Variants in SPC24 observed in about 807,000 individuals in gnomAD.
SPC24 encodes the protein kinetochore protein Spc24.
Under a neutral mutation model 27.6 loss-of-function variants are expected in SPC24, and 31 were observed. The observed-to-expected ratio is 1.12, with a 90% CI of 0.84 to 1.52. The LOEUF (loss-of-function observed/expected upper bound fraction) is 1.52. Among genes scored for constraint, SPC24 ranks in the 40% most tolerant of loss-of-function variants. The probability of loss-of-function intolerance (pLI) is 0.00; values close to 1 mark genes in which losing one functional copy is unlikely to be tolerated. For synonymous variants in SPC24, 105 were observed against 105.8 expected (o/e 0.99, Z 0.05); for missense variants, 284 against 252.5 (o/e 1.12, Z -0.84).
intron 1 of SPC24, among the ~76,000 whole-genome samples, chr19:11,152,817 A>G (rs11878885): frequency 0.066 from 9,996 of 152,038 alleles, 348 homozygotes; most frequent in Non-Finnish European, 0.071. Flanking sequence ...GGGACATCAC[A>G]TTCAGGATAA....
intron 1 of SPC24, among the ~76,000 whole-genome samples, chr19:11,149,625 A>G (rs2077854915): frequency 6.6e-6 from 1 of 152,040 alleles, no homozygotes. Flanking sequence ...TCACACCTGT[A>G]ATCCCAGAAC....
Position 11,146,479 on chromosome 19 carries a change from A to AAAAAAAAAAAAAAAAAAAG in SPC24, c.*703_*704insCTTTTTTTTTTTTTTTTTT, listed in dbSNP as rs1283117437. ...AAGAAATCCAGTAAAAAAAAAAAAA[A>AAAAAAAAAAAAAAAAAAAG]AAAAGGCCAGGCGCGGTGACTCACA... On this transcript the variant is annotated 3_prime_UTR_variant, in exon 5 of 5. Transcript: ENST00000592540. The AAAAAAAAAAAAAAAAAAAG allele has an allele frequency of 6.9e-6, 1 of 144,072 alleles. No homozygotes were observed. Among genetic ancestry groups the AAAAAAAAAAAAAAAAAAAG allele is most frequent in the Non-Finnish European group, 1.5e-5 (1 of 65,640 alleles). 8.9% of individuals were successfully genotyped at this position (144,072 alleles called of 1,614,324 possible). A position where few individuals can be genotyped will look rare whatever the true frequency, so the allele number is the denominator to read the frequency against.
At position 11,147,918 on chromosome 19, in the gene SPC24, AAAAAAAAAAAAAG is replaced by A. The variant is rs766346187; in HGVS notation, c.411-37_411-25del. 2,923 of 816,408 alleles carry A rather than the reference AAAAAAAAAAAAAG, an allele frequency of 3.6e-3. 3 individuals are homozygous for A. The highest frequency in any genetic ancestry group is 4.3e-3 in the Non-Finnish European group (2,515 of 586,372). The allele number at this position is 816,408 out of a possible 1,614,324, so 50.6% of individuals were successfully genotyped here. A position where few individuals can be genotyped will look rare whatever the true frequency, so the allele number is the denominator to read the frequency against. ...ACCTGTACAGGAAGACAAAAAAAAA[AAAAAAAAAAAAAG>A]AAAGTTACCCAGCACCAACTTCAAC... On this transcript the variant is annotated intron_variant, in intron 3 of 4. Transcript: ENST00000592540.
At position 11,147,031 on chromosome 19, in the gene SPC24, G is replaced by A. The variant is rs2077830782; in HGVS notation, c.*152C>T. ...GGAGGCAGAGGTTGCTGTGAGCTGA[G>A]ATTGTGCCATTGCACTCCAGACTGG... On this transcript the variant is annotated 3_prime_UTR_variant, in exon 5 of 5. Transcript: ENST00000592540. The A allele has an allele frequency of 2.1e-6, 1 of 476,262 alleles. No individual in the cohort carries two copies. Among genetic ancestry groups the A allele is most frequent in the Admixed American group, 3.8e-5 (1 of 26,206 alleles). 29.5% of individuals were successfully genotyped at this position (476,262 alleles called of 1,614,324 possible).
At chr19:11,148,303 G>C (rs1378685795) in intron 2 of SPC24, among the ~76,000 whole-genome samples, 186 bp from the exon 3 acceptor site, 1 of 152,052 alleles carries the variant, frequency 6.6e-6, no homozygotes, top group African/African-American at 2.4e-5. Flanking sequence ...TGCCTCCCAG[G>C]CTGAAGTGAT....
intron 1 of SPC24, among the ~76,000 whole-genome samples, chr19:11,152,181 A>C (rs1298365718): frequency 6.6e-6 from 1 of 151,786 alleles, no homozygotes; most frequent in Non-Finnish European, 1.5e-5. Flanking sequence ...TCAGCCTCCC[A>C]AAGTGTTGGG....
At chr19:11,151,883 C>T (rs750351479) in intron 1 of SPC24, among the ~76,000 whole-genome samples, 4 of 150,008 alleles carry the variant, frequency 2.7e-5, no homozygotes, top group Non-Finnish European at 4.4e-5. Context: ...GCTGGGATTA[C>T]AGGTGTGAGC....
chr19:11,148,020 A>T lies in SPC24; in HGVS notation c.403T>A (p.Ser135Thr). The change falls in exon 3 of 5, where the codon TCG (serine) becomes ACG (threonine). Residue 135 changes from serine to threonine, a missense_variant. Physicochemically the swap from Ser to Thr is moderately conservative, Grantham distance 58. Transcript: ENST00000592540. ...CGTTTTGGCAGAACCTACACGGCCG[A>T]GGGGATTGTGACTGTCGTGTCCTCG... ...VDEDTTVTIP[S>T]AVYVAQLYHQ... 1.2e-6 allele frequency: 2 copies of T among 1,613,236 alleles called. No homozygotes were observed. The highest frequency in any genetic ancestry group is 1.7e-6 in the Non-Finnish European group (2 of 1,179,698).
chr19:11,154,077 GAA>G (rs56097060), intron 1 of SPC24, among the ~76,000 whole-genome samples: 2 of 150,760 alleles, frequency 1.3e-5, no homozygotes, highest in Non-Finnish European at 1.5e-5. Context: ...CCGTCTCAAG[GAA>G]AAAAAAAATA....
chr19:11,154,638 G>T (rs2077897425), intron 1 of SPC24, among the ~76,000 whole-genome samples: 2 of 152,124 alleles, frequency 1.3e-5, no homozygotes, highest in Admixed American at 1.3e-4. Flanking sequence ...ACACAAAAGG[G>T]TAGATATTGT....
intron 1 of SPC24, 121 bp downstream of exon 1, chr19:11,155,496 G>A (rs1600795117): frequency 2.5e-6 from 3 of 1,194,698 alleles, no homozygotes; most frequent in African/African-American, 3.2e-5. Context: ...CCGTCCCAGG[G>A]GGCATAGGGC....
intron 1 of SPC24, among the ~76,000 whole-genome samples, chr19:11,151,768 CCTGG>C (rs2077874009): frequency 1.3e-5 from 2 of 151,814 alleles, no homozygotes; most frequent in Admixed American, 1.3e-4. Flanking sequence ...CACCACCACG[CCTGG>C]CTAATTTTTA....
At position 11,147,910 on chromosome 19, in the gene SPC24, A is replaced by AAG; in HGVS notation, c.411-17_411-16insCT. On this transcript the variant is annotated splice_polypyrimidine_tract_variant and intron_variant, in intron 3 of 4. Coordinates refer to ENST00000592540, the MANE Select transcript of SPC24 (RefSeq NM_182513.4). ...AGCCACGTACCTGTACAGGAAGACA[A>AAG]AAAAAAAAAAAAAAAAAAAAGAAAG... 1.5e-6 allele frequency: 1 copy of AAG among 662,050 alleles called. No homozygotes were observed. The highest frequency in any genetic ancestry group is 2.8e-4 in the East Asian group (1 of 3,560). The allele number at this position is 662,050 out of a possible 1,614,324, so 41.0% of individuals were successfully genotyped here.
chr19:11,152,973 G>GT (rs2077883560), intron 1 of SPC24, among the ~76,000 whole-genome samples: 1 of 151,810 alleles, frequency 6.6e-6, no homozygotes, highest in Admixed American at 6.6e-5. Flanking sequence ...GCCACCCCGT[G>GT]GACTGGCTCC....
intron 1 of SPC24, among the ~76,000 whole-genome samples, chr19:11,155,108 C>T (rs1008089858): frequency 6.6e-6 from 1 of 152,124 alleles, no homozygotes; most frequent in African/African-American, 2.4e-5. Flanking sequence ...ATAGCTTGAA[C>T]CCGGGAGGTG....
At chr19:11,154,145 C>T (rs1018369283) in intron 1 of SPC24, among the ~76,000 whole-genome samples, 2 of 152,056 alleles carry the variant, frequency 1.3e-5, no homozygotes, top group Non-Finnish European at 2.9e-5. Context: ...TTCAACACAG[C>T]CAAAAGGTGG....
intron 4 of SPC24, 86 bp from the exon 5 acceptor site, chr19:11,147,375 T>G: frequency 1.1e-6 from 1 of 942,054 alleles, no homozygotes; most frequent in Admixed American, 2.7e-5. Context: ...TACTTTTTTT[T>G]TTTGAGACAA....
At chr19:11,153,004 C>T (rs2077883830) in intron 1 of SPC24, among the ~76,000 whole-genome samples, 1 of 151,594 alleles carries the variant, frequency 6.6e-6, no homozygotes, top group Non-Finnish European at 1.5e-5. Context: ...CAAGGCTCAG[C>T]CCAGGCCTCC....
intron 4 of SPC24, 165 bp from the exon 5 acceptor site, chr19:11,147,454 G>T: frequency 3.5e-6 from 2 of 576,612 alleles, no homozygotes; most frequent in Non-Finnish European, 6.2e-6. Flanking sequence ...TCCACCTCCA[G>T]TGGTTAAGTG....
Sources: gnomAD v4.1 joint callset for allele counts (sites outside exome capture counted in the v4.1 genomes callset) on GRCh38, gnomAD v4.1.1 for gene constraint, MANE v1.5 for transcripts, NCBI Gene and HGNC (gene_info 2026-07-23, HGNC 2026-07-21) for gene names.